Variants in FRMD4B observed in about 807,000 individuals in gnomAD.
FRMD4B encodes FERM domain-containing protein 4B.
In FRMD4B, 74 loss-of-function variants were observed where a neutral mutation model predicts 141.5. That is an observed-to-expected ratio of 0.52 (90% CI 0.43 to 0.63). The LOEUF is 0.63. Ranked by LOEUF, FRMD4B falls within the 30% of genes least tolerant of loss-of-function variation. FRMD4B has a pLI of 0.00. For synonymous variants in FRMD4B, 506 were observed against 467.9 expected (o/e 1.08, Z -1.05); for missense variants, 1,366 against 1,253.4 (o/e 1.09, Z -1.36).
chr3:69,224,677 T>C lies in FRMD4B; in HGVS notation c.595A>G (p.Arg199Gly), dbSNP rs772123689. 1.3e-6 allele frequency: 2 copies of C among 1,548,648 alleles called. No individual in the cohort carries two copies. The highest frequency in any genetic ancestry group is 1.4e-5 in the African/African-American group (1 of 73,842). Reference protein sequence around the residue: ...KGDYTSDENARKDLKTLPAFP... With the variant: ...KGDYTSDENAGKDLKTLPAFP... Reference sequence around the variant, plus strand: ...GCTGGTAATGTCTTTAAATCTTTCCTGGCATTTTCATCACTAAAAAGAAAT... The same window carrying C: ...GCTGGTAATGTCTTTAAATCTTTCCCGGCATTTTCATCACTAAAAAGAAAT... Residue 199 changes from arginine (R) to glycine (G), a missense_variant, in exon 8 of 23, where the codon AGG becomes GGG. By Grantham distance (125) the Arg-to-Gly change is moderately radical (BLOSUM62 -2). Coordinates refer to ENST00000398540, the MANE Select transcript of FRMD4B (RefSeq NM_015123.3).
At chr3:69,350,908 C>G (rs1413368333) in intron 1 of FRMD4B, among the ~76,000 whole-genome samples, 1 of 151,754 alleles carries the variant, frequency 6.6e-6, no homozygotes, top group Non-Finnish European at 1.5e-5. Context: ...TGCAGCACAG[C>G]AACATGGCAC....
Position 69,168,891 on chromosome 3 carries a change from T to A in FRMD4B, c.*2970A>T, listed in dbSNP as rs2092561641. 6.6e-6 allele frequency among the ~76,000 whole-genome samples: 1 copy of A among 152,164 alleles called. No homozygotes were observed. The highest frequency in any genetic ancestry group is 6.5e-5 in the Admixed American group (1 of 15,272). ...TATAGAAAAATAGATAAACATCTAG[T>A]AGGGTGAGGCAATTTTAAAAATCCA... On this transcript the variant is annotated 3_prime_UTR_variant, in exon 23 of 23. Transcript: ENST00000398540.
chr3:69,423,075 G>A (rs1269476838), intron 2 of FRMD4B, among the ~76,000 whole-genome samples: 4 of 152,014 alleles, frequency 2.6e-5, no homozygotes, highest in Admixed American at 2.6e-4. Flanking sequence ...GATATAGTCA[G>A]TCCTCATTAT....
intron 4 of FRMD4B, among the ~76,000 whole-genome samples, chr3:69,292,625 A>G (rs1205327553): frequency 6.6e-6 from 1 of 152,154 alleles, no homozygotes; most frequent in Non-Finnish European, 1.5e-5. Flanking sequence ...CCACAATTCC[A>G]TCTCTCCCTC....
chr3:69,386,664 G>T (rs1418370926), upstream of FRMD4B, among the ~76,000 whole-genome samples: 1 of 152,222 alleles, frequency 6.6e-6, no homozygotes, highest in African/African-American at 2.4e-5. Context: ...AGCAGGAGAT[G>T]AAGGCAACAG....
intron 1 of FRMD4B, among the ~76,000 whole-genome samples, chr3:69,471,173 T>C (rs1350024178): frequency 3.3e-5 from 5 of 152,182 alleles, no homozygotes; most frequent in Admixed American, 3.3e-4. Context: ...GTGAGTTTTT[T>C]TCAAAGTTTA....
At chr3:69,500,228 G>C (rs1228806935) in intron 1 of FRMD4B, among the ~76,000 whole-genome samples, 1 of 152,234 alleles carries the variant, frequency 6.6e-6, no homozygotes, top group Non-Finnish European at 1.5e-5. Context: ...AAGAGACTAA[G>C]GTCAGGCATG....
At chr3:69,251,043 C>T (rs1357283719) in intron 5 of FRMD4B, among the ~76,000 whole-genome samples, 1 of 152,056 alleles carries the variant, frequency 6.6e-6, no homozygotes, top group Non-Finnish European at 1.5e-5. Flanking sequence ...TGCGATGATA[C>T]ATGAAATATT....
chr3:69,395,726 T>C (rs1704463969), intron 2 of FRMD4B, among the ~76,000 whole-genome samples: 1 of 152,182 alleles, frequency 6.6e-6, no homozygotes, highest in Non-Finnish European at 1.5e-5. Context: ...ATGAATTGTA[T>C]ACAAGAAGAG....
intron 19 of FRMD4B, among the ~76,000 whole-genome samples, chr3:69,186,780 C>T (rs924160226): frequency 9.2e-5 from 14 of 152,306 alleles, no homozygotes; most frequent in Non-Finnish European, 1.2e-4. Context: ...CTCAAGTGAT[C>T]CTCCCACCTT....
At chr3:69,210,003 A>G (rs1402283634) in intron 11 of FRMD4B, among the ~76,000 whole-genome samples, 1 of 152,234 alleles carries the variant, frequency 6.6e-6, no homozygotes, top group African/African-American at 2.4e-5. Context: ...GTTGTATGAG[A>G]AGAAAACAGG....
At chr3:69,201,985 C>T (rs2092972262) in intron 11 of FRMD4B, among the ~76,000 whole-genome samples, 1 of 152,134 alleles carries the variant, frequency 6.6e-6, no homozygotes, top group Admixed American at 6.5e-5. Context: ...GGGTGGATCA[C>T]CTGAGGTCAG....
chr3:69,213,436 T>G (rs1372230499), intron 11 of FRMD4B, among the ~76,000 whole-genome samples: 2 of 151,830 alleles, frequency 1.3e-5, no homozygotes, highest in Non-Finnish European at 2.9e-5. Flanking sequence ...AAATTGGGTA[T>G]CCTTCATTTC....
In FRMD4B at chr3:69,401,692, C is replaced by T. The variant is rs375767395; in HGVS notation, c.-1+30942G>A. On this transcript the variant is annotated intron_variant, in intron 2 of 5. Coordinates refer to the FRMD4B transcript ENST00000459638. ...AGCCTCCTGATTAGCTGGGACCACACGTGTGCACCACCACACCCCAAAATT... is the reference window on the plus strand; with the variant it reads ...AGCCTCCTGATTAGCTGGGACCACATGTGTGCACCACCACACCCCAAAATT... Among the ~76,000 whole-genome samples, 59 of 152,212 alleles carry T rather than the reference C, an allele frequency of 3.9e-4. 1 individual carries two copies. In the East Asian group the frequency reaches 9.3e-3, roughly 24 times the overall value.
chr3:69,384,895 TG>T, intron 1 of FRMD4B, among the ~76,000 whole-genome samples: 1 of 152,032 alleles, frequency 6.6e-6, no homozygotes. Flanking sequence ...CAGGGTCAAA[TG>T]GGGGGAAATC....
At chr3:69,250,744 T>TA (rs990940908) in intron 5 of FRMD4B, among the ~76,000 whole-genome samples, 3 of 150,254 alleles carry the variant, frequency 2.0e-5, no homozygotes, top group South Asian at 2.1e-4. Context: ...TTTTTTTTTT[T>TA]ATCATTCAAA....
chr3:69,209,008 G>A (rs2093051063), intron 11 of FRMD4B, among the ~76,000 whole-genome samples: 1 of 152,102 alleles, frequency 6.6e-6, no homozygotes. Context: ...GCTGGGCGTG[G>A]TGGCGTGCGC....
At chr3:69,345,270 G>C (rs1403864023) in intron 1 of FRMD4B, among the ~76,000 whole-genome samples, 1 of 152,190 alleles carries the variant, frequency 6.6e-6, no homozygotes, top group African/African-American at 2.4e-5. Context: ...GAACTGCAAG[G>C]AGGCAGTGAG....
chr3:69,343,279 C>T (rs1200476790), intron 1 of FRMD4B, among the ~76,000 whole-genome samples: 2 of 152,148 alleles, frequency 1.3e-5, no homozygotes, highest in Non-Finnish European at 2.9e-5. Context: ...TTACCCCCAT[C>T]AGAAGCCCAG....
Sources: gnomAD v4.1 joint callset for allele counts (sites outside exome capture counted in the v4.1 genomes callset) on GRCh38, gnomAD v4.1.1 for gene constraint, MANE v1.5 for transcripts, NCBI Gene and HGNC (gene_info 2026-07-23, HGNC 2026-07-21) for gene names.